ATXN7: variants seen among roughly 807,000 people sequenced by gnomAD.
ATXN7 encodes the protein ataxin-7.
In ATXN7, 12 loss-of-function variants were observed where a neutral mutation model predicts 70.5. The observed-to-expected ratio is 0.17, with a 90% CI of 0.11 to 0.28. ATXN7 has a LOEUF of 0.28. ATXN7 is among the 10% of genes least tolerant of loss of function. The pLI, the probability that ATXN7 is intolerant of heterozygous loss-of-function variation, is 1.00. For synonymous variants in ATXN7, 498 were observed against 448.7 expected, an observed-to-expected ratio of 1.11 and a Z score of -1.39; for missense variants, 1,256 against 1,131.7, an observed-to-expected ratio of 1.11 and a Z score of -1.58.
chr3:63,906,947 A>C (rs990768376), intron 2 of ATXN7, among the ~76,000 whole-genome samples: 4 of 152,238 alleles, frequency 2.6e-5, no homozygotes, highest in Non-Finnish European at 5.9e-5. Flanking sequence ...TTTATCCGTC[A>C]GTGGGGAGCC....
chr3:63,936,813 T>G (rs1160482598), intron 4 of ATXN7, among the ~76,000 whole-genome samples: 1 of 152,242 alleles, frequency 6.6e-6, no homozygotes, highest in Non-Finnish European at 1.5e-5. Context: ...GCTTGATTTT[T>G]CTTTATCCGT....
chr3:63,982,371 C>G lies in ATXN7; in HGVS notation c.938C>G (p.Pro313Arg). 6.2e-7 allele frequency: 1 copy of G among 1,613,978 alleles called. No individual in the cohort carries two copies. Among genetic ancestry groups the G allele is most frequent in the Non-Finnish European group, 8.5e-7 (1 of 1,179,898 alleles). The change falls in exon 7 of 13, where the codon CCT (proline) becomes CGT (arginine). Residue 313 changes from proline to arginine, a missense_variant. Pro to Arg is a moderately radical substitution (Grantham distance 103). Transcript: ENST00000674280. ...CAGATTCTGAATGGCAAAGGGCTTC[C>G]TGCACCGCCCACTCTGGAAAAGAAA... is the stretch of plus-strand genomic sequence containing the variant. The part of the protein sequence containing the change: ...PGQILNGKGL[P>R]APPTLEKKPE...
At chr3:63,952,728 T>TA (rs2074974933) in intron 5 of ATXN7, among the ~76,000 whole-genome samples, 1 of 151,986 alleles carries the variant, frequency 6.6e-6, no homozygotes, top group African/African-American at 2.4e-5. Flanking sequence ...AAATGTCTCT[T>TA]AAAATGTTGC....
intron 8 of ATXN7, among the ~76,000 whole-genome samples, chr3:63,986,003 A>G (rs2075573033): frequency 6.6e-6 from 1 of 152,236 alleles, no homozygotes; most frequent in South Asian, 2.1e-4. Flanking sequence ...ACATTATGAA[A>G]GCCTGCAAAA....
chr3:63,863,496 C>A, upstream of ATXN7: 1 of 1,179,702 alleles, frequency 8.5e-7, no homozygotes, highest in Non-Finnish European at 1.0e-6. Context: ...ACCACGCTCC[C>A]GGCACACCCT....
intron 5 of ATXN7, among the ~76,000 whole-genome samples, chr3:63,965,943 C>A (rs1461613649): frequency 6.6e-6 from 1 of 152,066 alleles, no homozygotes; most frequent in African/African-American, 2.4e-5. Context: ...AGTTAAAATT[C>A]GTTTTTCTCT....
intron 5 of ATXN7, chr3:63,967,903 A>C: frequency 6.5e-7 from 1 of 1,535,946 alleles, no homozygotes; most frequent in Non-Finnish European, 8.7e-7. Context: ...GCACAACCAA[A>C]TTCTGTGAAT....
chr3:63,883,621 A>G (rs935193941), intron 1 of ATXN7, among the ~76,000 whole-genome samples: 1 of 152,152 alleles, frequency 6.6e-6, no homozygotes, highest in South Asian at 2.1e-4. Flanking sequence ...CTATGTAACT[A>G]TTCTATTTAA....
At chr3:63,941,132 C>G (rs1469713450) in intron 4 of ATXN7, among the ~76,000 whole-genome samples, 1 of 152,194 alleles carries the variant, frequency 6.6e-6, no homozygotes. Context: ...AACACTGTAA[C>G]TCTTACCTGT....
intron 4 of ATXN7, among the ~76,000 whole-genome samples, chr3:63,920,189 C>T (rs573890187): frequency 6.6e-6 from 1 of 152,248 alleles, no homozygotes; most frequent in South Asian, 2.1e-4. Flanking sequence ...TTTCGCAATT[C>T]ATGGAGACCA....
At chr3:63,915,817 GATTAC>G (rs1704240916) in intron 4 of ATXN7, among the ~76,000 whole-genome samples, 1 of 151,864 alleles carries the variant, frequency 6.6e-6, no homozygotes, top group South Asian at 2.1e-4. Flanking sequence ...TTGTAGCTGG[GATTAC>G]AGGCACGCAC....
chr3:63,872,891 T>G (rs1461062411), intron 1 of ATXN7, among the ~76,000 whole-genome samples: 2 of 152,056 alleles, frequency 1.3e-5, no homozygotes, highest in Non-Finnish European at 2.9e-5. Flanking sequence ...CTTAGAAAGG[T>G]TAAGTAACCT....
intron 1 of ATXN7, among the ~76,000 whole-genome samples, chr3:63,869,899 A>G (rs1559615152): frequency 6.6e-6 from 1 of 152,118 alleles, no homozygotes; most frequent in Non-Finnish European, 1.5e-5. Context: ...TTCTTAGCCA[A>G]TGGGGTTGCA....
upstream of ATXN7, chr3:63,863,860 A>G: frequency 3.3e-6 from 4 of 1,206,432 alleles, no homozygotes; most frequent in Non-Finnish European, 4.1e-6. Context: ...GCGGAGGTCA[A>G]ACTCCCACAA....
At position 64,002,612 on chromosome 3, in the gene ATXN7, G is replaced by C. The variant is rs1002816274; in HGVS notation, c.*3145G>C. 1.4e-4 allele frequency: 22 copies of C among 152,302 alleles called. No homozygotes were observed. Among genetic ancestry groups the C allele is most frequent in the Admixed American group, 1.3e-3 (20 of 15,300 alleles). 9.4% of individuals were successfully genotyped at this position (152,302 alleles called of 1,614,324 possible). On this transcript the variant is annotated 3_prime_UTR_variant, in exon 13 of 13. Coordinates refer to ENST00000674280, the MANE Select transcript of ATXN7 (RefSeq NM_001377405.1). ...GTGCCTGAAACTAGTTTTAAGCTTA[G>C]ACAGAATCTCTTTAAAAAGACTTGA...
Position 63,863,904 on chromosome 3 carries a change from G to T in ATXN7, c.-365G>T, listed in dbSNP as rs1702313809. The T allele has an allele frequency of 3.7e-6, 4 of 1,087,442 alleles. No individual in the cohort carries two copies. Among genetic ancestry groups the T allele is most frequent in the African/African-American group, 1.7e-5 (1 of 58,932 alleles). The allele number at this position is 1,087,442 out of a possible 1,614,324, so 67.4% of individuals were successfully genotyped here. ...GGTAAACAGCCATGGAGGAGGAGGC[G>T]GCGGCGCCCGCGGCCGCCTGCTCCG... On this transcript the variant is annotated 5_prime_UTR_variant, in exon 1 of 13. Coordinates refer to ENST00000674280, the MANE Select transcript of ATXN7 (RefSeq NM_001377405.1).
In ATXN7 at chr3:63,996,040, G is replaced by A. The variant is rs1440043073; in HGVS notation, c.2218G>A (p.Ala740Thr). 1 of 1,614,068 alleles carries A rather than the reference G, an allele frequency of 6.2e-7. No individual in the cohort carries two copies. The highest frequency in any genetic ancestry group is 1.7e-5 in the Admixed American group (1 of 60,020). The change falls in exon 12 of 13, where the codon GCT becomes ACT. Residue 740 changes from alanine to threonine, a missense_variant. Coordinates refer to ENST00000674280, the MANE Select transcript of ATXN7 (RefSeq NM_001377405.1). ...SMESFRKNCVAHSGPPYPSTV... is the reference protein window; with the variant it reads ...SMESFRKNCVTHSGPPYPSTV... ...GGAGTCTTTTAGGAAAAACTGTGTG[G>A]CTCACTCTGGGCCTCCCTACCCCTC...
chr3:63,935,160 C>G (rs1372694393), intron 4 of ATXN7, among the ~76,000 whole-genome samples: 2 of 152,190 alleles, frequency 1.3e-5, no homozygotes, highest in Non-Finnish European at 2.9e-5. Flanking sequence ...TGCTGCTCTT[C>G]CACTATTGAA....
rs1559667756 is a variant in ATXN7, at chr3:64,002,695, T to C, written c.*3228T>C. 6.6e-6 allele frequency: 1 copy of C among 152,184 alleles called. No homozygotes were observed. The highest frequency in any genetic ancestry group is 2.4e-5 in the African/African-American group (1 of 41,444). The allele number at this position is 152,184 out of a possible 1,614,324, so 9.4% of individuals were successfully genotyped here. A position where few individuals can be genotyped will look rare whatever the true frequency, so the allele number is the denominator to read the frequency against. ...CCACCTAAATATTGTTTCTAAAATT[T>C]TAGGGGCGGAGTTGAAAACCACCAA... On this transcript the variant is annotated 3_prime_UTR_variant, in exon 13 of 13. Transcript: ENST00000674280.
Sources: allele counts gnomAD v4.1 joint callset (sites outside exome capture counted in the v4.1 genomes callset), GRCh38; gene constraint gnomAD v4.1.1; transcripts MANE v1.5; gene names NCBI Gene and HGNC (gene_info 2026-07-23, HGNC 2026-07-21).